IFT88: variants seen among roughly 807,000 people sequenced by gnomAD.
IFT88 encodes the protein intraflagellar transport protein 88 homolog.
Under a neutral mutation model 119.5 loss-of-function variants are expected in IFT88, and 74 were observed. The observed-to-expected ratio is 0.62, with a 90% CI of 0.51 to 0.75. The LOEUF (loss-of-function observed/expected upper bound fraction) is 0.75. IFT88 is among the 30% of genes least tolerant of loss of function. IFT88 has a pLI of 0.00. For synonymous variants in IFT88, 279 were observed against 316.7 expected, an observed-to-expected ratio of 0.88 and a Z score of 1.26; for missense variants, 961 against 977.7, an observed-to-expected ratio of 0.98 and a Z score of 0.23.
chr13:20,661,088 C>T (rs1163660489), intron 22 of IFT88, among the ~76,000 whole-genome samples: 1 of 152,150 alleles, frequency 6.6e-6, no homozygotes. Flanking sequence ...AACTTGATTT[C>T]TGCCTCCTAG....
At chr13:20,586,905 C>A (rs932924537) in intron 3 of IFT88, among the ~76,000 whole-genome samples, 7 of 45,920 alleles carry the variant, frequency 1.5e-4, no homozygotes, top group East Asian at 4.5e-3. Context: ...ATGTTTTTTC[C>A]CATTTTTTTT....
Position 20,654,768 on chromosome 13 carries a change from G to A in IFT88, c.2002+840G>A, listed in dbSNP as rs140113804. 1.3e-4 allele frequency among the ~76,000 whole-genome samples: 20 copies of A among 152,248 alleles called. No individual in the cohort carries two copies. The East Asian group carries it at 3.7e-3, about 28-fold the overall frequency. The stretch of plus-strand genomic sequence containing the variant: ...GTAATTCCTATTGAATGTACAACAT[G>A]ACTATACTATATACATTCAATTTAT... On this transcript the variant is annotated intron_variant, in intron 21 of 25. Transcript: ENST00000351808.
At position 20,635,256 on chromosome 13, in the gene IFT88, A is replaced by G. The variant is rs2048844123; in HGVS notation, c.1387-3076A>G. 2.0e-5 allele frequency among the ~76,000 whole-genome samples: 3 copies of G among 152,198 alleles called. No homozygotes were observed. The South Asian group carries it at 6.2e-4, about 31-fold the overall frequency. ...CATGCTGCAAAAGACACATGCACAC[A>G]TATGTTTATTGTGGCACTATTCACA... On this transcript the variant is annotated intron_variant, in intron 16 of 25. Transcript: ENST00000351808.
At chr13:20,654,266 A>C (rs889532342) in intron 21 of IFT88, among the ~76,000 whole-genome samples, 1 of 152,212 alleles carries the variant, frequency 6.6e-6, no homozygotes, top group African/African-American at 2.4e-5. Flanking sequence ...GTTAATTCTA[A>C]ATGTCCTGTG....
At position 20,675,732 on chromosome 13, in the gene IFT88, A is replaced by G. The variant is rs765802046; in HGVS notation, c.2242+4693A>G. On this transcript the variant is annotated intron_variant, in intron 24 of 25. Coordinates refer to ENST00000351808, the MANE Select transcript of IFT88 (RefSeq NM_006531.5). ...GAATAAATGTGATAGTGTTCTATAAAACTTAATTCTTGGACACTGAAGTTA... is the reference window on the plus strand; with the variant it reads ...GAATAAATGTGATAGTGTTCTATAAGACTTAATTCTTGGACACTGAAGTTA... Among the ~76,000 whole-genome samples the G allele has an allele frequency of 5.3e-5, 8 of 152,372 alleles. No homozygotes were observed. The South Asian group carries it at 6.2e-4, about 12-fold the overall frequency.
At chr13:20,587,398 C>T (rs1328434149) in intron 3 of IFT88, among the ~76,000 whole-genome samples, 2 of 152,102 alleles carry the variant, frequency 1.3e-5, no homozygotes, top group Non-Finnish European at 2.9e-5. Flanking sequence ...GCTGAGACTA[C>T]AGGCGTGAGC....
chr13:20,593,767 A>G (rs1271272313), intron 7 of IFT88, among the ~76,000 whole-genome samples: 1 of 152,076 alleles, frequency 6.6e-6, no homozygotes, highest in African/African-American at 2.4e-5. Flanking sequence ...GTAAGGACAC[A>G]GGCCGGGCGT....
intron 12 of IFT88, among the ~76,000 whole-genome samples, chr13:20,603,767 CACACCTGTAGTCCCAGCT>C (rs1216023057): frequency 6.6e-6 from 1 of 152,040 alleles, no homozygotes; most frequent in Non-Finnish European, 1.5e-5. Flanking sequence ...CTTGATGTTG[CACACCTGTAGTCCCAGCT>C]ACTTGGGAGG....
intron 12 of IFT88, among the ~76,000 whole-genome samples, chr13:20,604,630 T>A (rs188549264): frequency 6.6e-6 from 1 of 152,326 alleles, no homozygotes; most frequent in East Asian, 1.9e-4. Context: ...CTCCCTTTTT[T>A]AAAACTAATT....
chr13:20,617,105 A>G (rs984849612), intron 14 of IFT88, among the ~76,000 whole-genome samples: 7 of 152,106 alleles, frequency 4.6e-5, no homozygotes, highest in African/African-American at 1.7e-4. Flanking sequence ...CACCAAGCCC[A>G]GCTAATTTTT....
intron 2 of IFT88, among the ~76,000 whole-genome samples, chr13:20,580,567 T>A (rs1042848019): frequency 3.3e-5 from 5 of 152,088 alleles, no homozygotes; most frequent in Non-Finnish European, 7.4e-5. Context: ...TATTTTCTCA[T>A]GATAGGATAT....
intron 1 of IFT88, chr13:20,568,138 C>T: frequency 1.7e-6 from 1 of 580,644 alleles, no homozygotes; most frequent in South Asian, 2.2e-5. Context: ...AGTAGACTGT[C>T]CATAGTCAGT....
At chr13:20,631,346 A>G (rs1035090008) in intron 16 of IFT88, 6 of 425,988 alleles carry the variant, frequency 1.4e-5, no homozygotes, top group Non-Finnish European at 2.6e-5. Flanking sequence ...GCATCGCATC[A>G]TAGATTATGC....
rs143231999 is a variant in IFT88 at position 20,672,030 on chromosome 13, G to A, written c.2242+991G>A. Among the ~76,000 whole-genome samples, 1,493 of 152,272 alleles carry A rather than the reference G, an allele frequency of 9.8e-3. 25 individuals are homozygous for A. The highest frequency in any genetic ancestry group is 0.034 in the African/African-American group (1,401 of 41,564). On this transcript the variant is annotated intron_variant, in intron 24 of 25. Coordinates refer to ENST00000351808, the MANE Select transcript of IFT88 (RefSeq NM_006531.5). The stretch of plus-strand genomic sequence containing the variant: ...GTGGTCCCCATGCTCAAAGAAGTTA[G>A]AATCTAGTTGGAAAGACACACAGCT...
At chr13:20,579,219 TC>T (rs1268971499) in intron 2 of IFT88, among the ~76,000 whole-genome samples, 2 of 152,224 alleles carry the variant, frequency 1.3e-5, no homozygotes. Context: ...CAGGCTTGTA[TC>T]CTTCCCTTAA....
At chr13:20,576,846 G>C (rs1397593948) in intron 2 of IFT88, among the ~76,000 whole-genome samples, 1 of 152,032 alleles carries the variant, frequency 6.6e-6, no homozygotes, top group African/African-American at 2.4e-5. Flanking sequence ...TGGCTATTCT[G>C]GGTCTTTTGT....
intron 16 of IFT88, among the ~76,000 whole-genome samples, chr13:20,633,990 A>G (rs1263623897): frequency 6.6e-6 from 1 of 152,124 alleles, no homozygotes; most frequent in Non-Finnish European, 1.5e-5. Context: ...TGCAGCTGAC[A>G]TCCTCTGAGG....
chr13:20,670,076 T>G (rs1020141030), intron 23 of IFT88, among the ~76,000 whole-genome samples: 2 of 152,318 alleles, frequency 1.3e-5, no homozygotes, highest in Admixed American at 1.3e-4. Flanking sequence ...TTATAAATAT[T>G]TGGGAAGTTG....
rs187630471 is a variant in IFT88, at chr13:20,638,253, T to C, written c.1387-79T>C. 5.6e-5 allele frequency: 42 copies of C among 749,446 alleles called. No homozygotes were observed. In the East Asian group the frequency reaches 1.2e-3, roughly 22 times the overall value. The allele number at this position is 749,446 out of a possible 1,614,324, so 46.4% of individuals were successfully genotyped here. On this transcript the variant is annotated intron_variant, in intron 16 of 25. Transcript: ENST00000351808. ...ACATTTATAATCTCAGAAAGTCTAT[T>C]TATTATGTCTGTAATCTCAGAACAG...
Sources: allele counts gnomAD v4.1 joint callset (sites outside exome capture counted in the v4.1 genomes callset), GRCh38; gene constraint gnomAD v4.1.1; transcripts MANE v1.5; gene names NCBI Gene and HGNC (gene_info 2026-07-23, HGNC 2026-07-21).